The following EYS variants were observed in gnomAD, a reference collection of about 807,000 sequenced individuals.
EYS encodes EGF-like photoreceptor maintenance factor, also known as protein eyes shut homolog.
Under a neutral mutation model 282.1 loss-of-function variants are expected in EYS, and 250 were observed. The ratio of observed to expected loss-of-function variants is 0.89; its 90% CI spans 0.80 to 0.98. The LOEUF is 0.98. EYS is among the 50% of genes least tolerant of loss of function. The pLI, the probability that EYS is intolerant of heterozygous loss-of-function variation, is 0.00. For synonymous variants in EYS, 1,355 were observed against 1,282.9 expected (o/e 1.06, Z -1.20); for missense variants, 4,016 against 3,709.0 (o/e 1.08, Z -2.15).
intron 31 of EYS, among the ~76,000 whole-genome samples, chr6:64,083,888 C>T (rs1045219405): frequency 6.6e-6 from 1 of 152,128 alleles, no homozygotes; most frequent in East Asian, 1.9e-4. Context: ...CAGTCATGTG[C>T]CACCATGCCT....
intron 31 of EYS, among the ~76,000 whole-genome samples, chr6:64,163,921 G>A (rs1281393920): frequency 1.3e-5 from 2 of 152,086 alleles, no homozygotes; most frequent in Non-Finnish European, 2.9e-5. Flanking sequence ...TAAGATGCTA[G>A]TCACATCAGA....
At chr6:64,525,097 A>G (rs1272054317) in intron 26 of EYS, among the ~76,000 whole-genome samples, 1 of 151,832 alleles carries the variant, frequency 6.6e-6, no homozygotes, top group African/African-American at 2.4e-5. Context: ...TAGTTCAACT[A>G]TTGTGGAAAG....
intron 18 of EYS, among the ~76,000 whole-genome samples, chr6:64,901,906 A>T (rs1268723049): frequency 6.6e-6 from 1 of 152,162 alleles, no homozygotes; most frequent in African/African-American, 2.4e-5. Flanking sequence ...TACAAATAGC[A>T]CTATAAACTA....
intron 5 of EYS, among the ~76,000 whole-genome samples, chr6:65,482,342 T>G (rs938540205): frequency 3.3e-5 from 5 of 152,294 alleles, no homozygotes; most frequent in South Asian, 2.1e-4. Context: ...CATGTGTGCT[T>G]ATCAGCTCAT....
At chr6:65,263,387 T>G (rs567588897) in intron 12 of EYS, among the ~76,000 whole-genome samples, 1 of 151,730 alleles carries the variant, frequency 6.6e-6, no homozygotes, top group African/African-American at 2.4e-5. Flanking sequence ...ATATGGAGAG[T>G]GTTGATCATA....
At chr6:65,369,861 TTCTGAC>T (rs1488283224) in intron 8 of EYS, among the ~76,000 whole-genome samples, 8 of 151,648 alleles carry the variant, frequency 5.3e-5, no homozygotes, top group African/African-American at 1.7e-4. Context: ...ATCTTCCTGA[TTCTGAC>T]TCTAACTATT....
At chr6:64,794,367 TGGTGGGA>T (rs949662518) in intron 22 of EYS, among the ~76,000 whole-genome samples, 1 of 152,116 alleles carries the variant, frequency 6.6e-6, no homozygotes, top group African/African-American at 2.4e-5. Flanking sequence ...GTGAGGGGCT[TGGTGGGA>T]GGTGACTGAA....
At chr6:64,746,228 G>A (rs1772551970) in intron 22 of EYS, among the ~76,000 whole-genome samples, 2 of 151,838 alleles carry the variant, frequency 1.3e-5, no homozygotes, top group South Asian at 2.1e-4. Flanking sequence ...ACTATTAAGC[G>A]ATGTTTAGGC....
chr6:64,978,233 GA>G (rs1293714256), intron 14 of EYS, among the ~76,000 whole-genome samples: 2 of 151,838 alleles, frequency 1.3e-5, no homozygotes, highest in African/African-American at 4.8e-5. Context: ...ACTTGAAGTT[GA>G]AGCCAGTGTT....
At chr6:65,679,081 A>G (rs1420782733) in intron 1 of EYS, among the ~76,000 whole-genome samples, 1 of 151,978 alleles carries the variant, frequency 6.6e-6, no homozygotes. Flanking sequence ...TGCTGGGGCT[A>G]TAAGAAATAG....
intron 2 of EYS, among the ~76,000 whole-genome samples, chr6:65,538,278 A>G (rs1335796159): frequency 6.6e-6 from 1 of 152,154 alleles, no homozygotes; most frequent in Non-Finnish European, 1.5e-5. Flanking sequence ...AAAGAATAAT[A>G]ATAAGGAAAT....
chr6:65,359,447 C>G lies in EYS; in HGVS notation c.1300-5830G>C, dbSNP rs201417565. On this transcript the variant is annotated intron_variant, in intron 8 of 42. Coordinates refer to ENST00000503581, the MANE Select transcript of EYS (RefSeq NM_001142800.2). The stretch of plus-strand genomic sequence containing the variant: ...TAGTATGAAGAGGATTTTAAAACAA[C>G]TTTAGATGCTGATTTCTTATTTCAG... Among the ~76,000 whole-genome samples the G allele has an allele frequency of 2.7e-4, 41 of 152,044 alleles. No individual in the cohort carries two copies. The East Asian group carries it at 7.8e-3, about 29-fold the overall frequency.
chr6:64,004,369 T>C (rs906192674), intron 33 of EYS, among the ~76,000 whole-genome samples: 2 of 152,166 alleles, frequency 1.3e-5, no homozygotes, highest in Non-Finnish European at 2.9e-5. Flanking sequence ...ATATACTTTC[T>C]TATAAAATGT....
At chr6:65,286,024 G>C (rs1378432290) in intron 12 of EYS, among the ~76,000 whole-genome samples, 1 of 151,756 alleles carries the variant, frequency 6.6e-6, no homozygotes, top group Non-Finnish European at 1.5e-5. Context: ...GGTCACAGGA[G>C]GGAAATTCTA....
chr6:64,819,707 G>A (rs550128327), intron 21 of EYS, among the ~76,000 whole-genome samples: 32 of 151,940 alleles, frequency 2.1e-4, no homozygotes, highest in African/African-American at 7.5e-4. Flanking sequence ...GAGCAGCAAA[G>A]CCCAGTTAGG....
intron 2 of EYS, among the ~76,000 whole-genome samples, chr6:65,617,529 G>A (rs917436793): frequency 1.7e-4 from 25 of 151,092 alleles, no homozygotes; most frequent in African/African-American, 6.1e-4. Context: ...AAGTTCATAT[G>A]GTATTATTTA....
At chr6:64,876,761 A>G (rs1465078982) in intron 19 of EYS, among the ~76,000 whole-genome samples, 1 of 152,140 alleles carries the variant, frequency 6.6e-6, no homozygotes, top group African/African-American at 2.4e-5. Flanking sequence ...GCATGCTATC[A>G]GAGGGAAGTG....
chr6:64,987,913 T>A (rs1770916055), intron 14 of EYS, among the ~76,000 whole-genome samples: 1 of 151,552 alleles, frequency 6.6e-6, no homozygotes, highest in African/African-American at 2.4e-5. Context: ...AATACACTTG[T>A]GTTTAATATA....
intron 26 of EYS, among the ~76,000 whole-genome samples, chr6:64,572,380 C>T (rs917210670): frequency 2.0e-5 from 3 of 151,944 alleles, no homozygotes; most frequent in African/African-American, 7.2e-5. Context: ...CAAAGATGGT[C>T]TCTCTCACCA....
Sources: gnomAD v4.1 joint callset for allele counts (sites outside exome capture counted in the v4.1 genomes callset) on GRCh38, gnomAD v4.1.1 for gene constraint, MANE v1.5 for transcripts, NCBI Gene and HGNC (gene_info 2026-07-23, HGNC 2026-07-21) for gene names.